The following LRP5 variants were observed in gnomAD, a reference collection of about 807,000 sequenced individuals.
LRP5 encodes the protein low-density lipoprotein receptor-related protein 5.
A neutral mutation model predicts 154.1 loss-of-function variants in LRP5; 62 were observed. The ratio of observed to expected loss-of-function variants is 0.40; its 90% CI spans 0.33 to 0.50. The LOEUF (loss-of-function observed/expected upper bound fraction) is 0.50, where lower values mean the gene tolerates loss of function less well. Among genes scored for constraint, LRP5 ranks in the 20% least tolerant of loss-of-function variants. The pLI, the probability that LRP5 is intolerant of heterozygous loss-of-function variation, is 0.55. For synonymous variants in LRP5, 966 were observed against 1,011.5 expected (o/e 0.96, Z 0.85); for missense variants, 1,915 against 2,336.7 (o/e 0.82, Z 3.72).
At chr11:68,425,394 C>T (rs1197745730) in intron 15 of LRP5, 102 bp downstream of exon 15, 22 of 1,223,084 alleles carry the variant, frequency 1.8e-5, no homozygotes, top group South Asian at 1.1e-4. Flanking sequence ...AGCCCAGTGC[C>T]GCGCCAGGGG....
At position 68,386,190 on chromosome 11, in the gene LRP5, A is replaced by G; in HGVS notation, c.1016-126A>G. 6 of 1,182,530 alleles carry G rather than the reference A, an allele frequency of 5.1e-6. No individual in the cohort carries two copies. The highest frequency in any genetic ancestry group is 7.4e-6 in the Non-Finnish European group (6 of 812,230). 73.3% of individuals were successfully genotyped at this position (1,182,530 alleles called of 1,614,324 possible). ...GGCTGGGTGCGTGTCACCTAACATCACCAGCCTTTGCAAGGAGAGCCCTGG... is the reference window on the plus strand; with the variant it reads ...GGCTGGGTGCGTGTCACCTAACATCGCCAGCCTTTGCAAGGAGAGCCCTGG... On this transcript the variant is annotated intron_variant, in intron 5 of 22. Transcript: ENST00000294304. The surrounding 1 kb of genome is among the most constrained non-coding windows in gnomAD (Gnocchi z 7.9).
rs560530464 is a variant in LRP5 at position 68,396,904 on chromosome 11, G to A, written c.1585-6579G>A. Among the ~76,000 whole-genome samples the A allele has an allele frequency of 3.8e-3, 586 of 152,282 alleles. 1 individual carries two copies. The highest frequency in any genetic ancestry group is 0.02 in the Middle Eastern group (6 of 294). ...TCCTGCCCCACCACGTGTGAAGCCC[G>A]AGTGGTCGTGGGCTGAGGTCCCCTG... On this transcript the variant is annotated intron_variant, in intron 7 of 22. Transcript: ENST00000294304.
At chr11:68,302,500 G>T in the LRP5 span, among the ~76,000 whole-genome samples, 22 of 152,168 alleles carry the variant, frequency 1.4e-4, 1 homozygote. Context: ...ACTTGCTCCT[G>T]TTTGCTCCAG....
In LRP5 at chr11:68,446,461, C is replaced by A; in HGVS notation, c.4514C>A (p.Ala1505Asp). The change falls in exon 22 of 23, where the codon GCC becomes GAC. Residue 1505 changes from alanine to aspartate, a missense_variant. By Grantham distance (126) the Ala-to-Asp change is moderately radical. Around this residue, in one of 3 missense-constraint regions of LRP5, gnomAD observed 1,094 missense variants for 1,210.1 expected, o/e 0.90. Coordinates refer to ENST00000294304, the MANE Select transcript of LRP5 (RefSeq NM_002335.4). The part of the protein sequence containing the change: ...PPILNPPPSP[A>D]TDPSLYNMDM... ...ATCCTGAACCCGCCGCCCTCCCCGGCCACGGACCCCTCCCTGTACAACATG... is the reference window on the plus strand; with the variant it reads ...ATCCTGAACCCGCCGCCCTCCCCGGACACGGACCCCTCCCTGTACAACATG... 6.2e-7 allele frequency: 1 copy of A among 1,614,040 alleles called. No individual in the cohort carries two copies. Among genetic ancestry groups the A allele is most frequent in the Non-Finnish European group, 8.5e-7 (1 of 1,179,920 alleles).
intron 7 of LRP5, among the ~76,000 whole-genome samples, chr11:68,399,542 A>G (rs1271200477): frequency 6.6e-6 from 1 of 152,086 alleles, no homozygotes; most frequent in Non-Finnish European, 1.5e-5. Flanking sequence ...TTCATCTCCC[A>G]AGTTCTCTTC....
intron 21 of LRP5, among the ~76,000 whole-genome samples, chr11:68,444,594 G>A (rs2098680453): frequency 7.7e-6 from 1 of 129,896 alleles, no homozygotes; most frequent in Admixed American, 9.4e-5. Context: ...ACCCTGGGCC[G>A]AGATCCAGTC....
At position 68,423,777 on chromosome 11, in the gene LRP5, C is replaced by T. The variant is rs2098667181; in HGVS notation, c.3236+80C>T. The T allele has an allele frequency of 2.2e-6, 3 of 1,394,488 alleles. No individual in the cohort carries two copies. The East Asian group carries it at 7.0e-5, about 32-fold the overall frequency. The allele number at this position is 1,394,488 out of a possible 1,614,324, so 86.4% of individuals were successfully genotyped here. A position where few individuals can be genotyped will look rare whatever the true frequency, so the allele number is the denominator to read the frequency against. Reference sequence around the variant, plus strand: ...TCTTCTGCCGAATGCCAGCCTCTCACAGGCTGGGGAGACTTTCCACCCTGG... The same window carrying T: ...TCTTCTGCCGAATGCCAGCCTCTCATAGGCTGGGGAGACTTTCCACCCTGG... On this transcript the variant is annotated intron_variant, in intron 14 of 22. Transcript: ENST00000294304. The surrounding 1 kb of genome is among the most constrained non-coding windows in gnomAD (Gnocchi z 4.7).
At chr11:68,405,169 A>G (rs1435820120) in intron 8 of LRP5, among the ~76,000 whole-genome samples, 1 of 151,892 alleles carries the variant, frequency 6.6e-6, no homozygotes, top group African/African-American at 2.4e-5. Context: ...AAAGAAAAAA[A>G]AAAAAAGAAC....
rs1309533393 is a variant in LRP5 at position 68,448,814 on chromosome 11, A to C, written c.4592A>C (p.Tyr1531Ser). The C allele has an allele frequency of 1.2e-6, 2 of 1,605,414 alleles. No homozygotes were observed. The highest frequency in any genetic ancestry group is 2.7e-5 in the African/African-American group (2 of 74,998). ...IPATARPYRP[Y>S]IIRGMAPPTT... ...TCTGTGTGTGTCCCTTTCAGGCCCT[A>C]CATCATTCGAGGAATGGCGCCCCCG... is the stretch of plus-strand genomic sequence containing the variant. Residue 1531 changes from tyrosine to serine, a missense_variant, in exon 23 of 23, where the codon TAC becomes TCC. Physicochemically the swap from Tyr to Ser is moderately radical, Grantham distance 144. Transcript: ENST00000294304.
intron 1 of LRP5, among the ~76,000 whole-genome samples, chr11:68,313,719 G>C (rs1352630284): frequency 6.6e-6 from 1 of 152,248 alleles, no homozygotes; most frequent in Admixed American, 6.5e-5. Context: ...TCTGGAGTAT[G>C]GCTGGCCAAG....
chr11:68,404,409 AG>A, intron 8 of LRP5: 1 of 509,312 alleles, frequency 2.0e-6, no homozygotes, highest in Non-Finnish European at 3.9e-6. Flanking sequence ...CATTGCCTGC[AG>A]TCCTGGGTGA....
chr11:68,299,644 G>A, the LRP5 span, among the ~76,000 whole-genome samples: 8 of 148,214 alleles, frequency 5.4e-5, no homozygotes, highest in African/African-American at 1.5e-4. Flanking sequence ...GTACAGTGGC[G>A]CAATCTCAGC....
At chr11:68,390,262 C>T (rs1299080768) in intron 7 of LRP5, among the ~76,000 whole-genome samples, 1 of 152,242 alleles carries the variant, frequency 6.6e-6, no homozygotes, top group Non-Finnish European at 1.5e-5. Context: ...AAGATGTTAT[C>T]ATTCGGCCAG....
intron 7 of LRP5, among the ~76,000 whole-genome samples, chr11:68,394,454 G>A (rs140652408): frequency 4.2e-4 from 63 of 151,554 alleles, no homozygotes; most frequent in South Asian, 3.7e-3. Context: ...TGAGCACTGC[G>A]TGTTGATTAC....
chr11:68,355,012 A>G (rs778341075), intron 2 of LRP5, among the ~76,000 whole-genome samples: 9 of 152,248 alleles, frequency 5.9e-5, no homozygotes, highest in Non-Finnish European at 1.0e-4. Context: ...CGAGGCTCCT[A>G]TGCCCTCATT....
chr11:68,449,137 A>G lies in LRP5; in HGVS notation c.*67A>G, dbSNP rs2098683076. The G allele has an allele frequency of 7.6e-7, 1 of 1,309,842 alleles. No homozygotes were observed. 81.1% of individuals were successfully genotyped at this position (1,309,842 alleles called of 1,614,324 possible). ...AGTTTTAAATATGAACAAAGAAAAA[A>G]ATATATTTTATGATTTAAAAAATAA... On this transcript the variant is annotated 3_prime_UTR_variant, in exon 23 of 23. Coordinates refer to ENST00000294304, the MANE Select transcript of LRP5 (RefSeq NM_002335.4).
intron 1 of LRP5, among the ~76,000 whole-genome samples, chr11:68,327,415 C>T (rs1387617330): frequency 2.6e-5 from 4 of 152,240 alleles, no homozygotes; most frequent in Admixed American, 6.5e-5. Flanking sequence ...AGCGCCTCTG[C>T]GGATCTGACC....
At chr11:68,426,562 G>A (rs753965131) in intron 16 of LRP5, among the ~76,000 whole-genome samples, 1 of 151,890 alleles carries the variant, frequency 6.6e-6, no homozygotes. Flanking sequence ...CAGGTAGCTG[G>A]GACTACAGGT....
chr11:68,403,718 A>G lies in LRP5; in HGVS notation c.1801+19A>G, dbSNP rs759629787. 4 of 1,612,300 alleles carry G rather than the reference A, an allele frequency of 2.5e-6. No individual in the cohort carries two copies. The African/African-American group carries it at 4.0e-5, about 16-fold the overall frequency. ...GTCGTCGGTGAGTCCGGGGGGTCCC[A>G]AGCCATGGCTCAGCCATGCAGACTT... On this transcript the variant is annotated intron_variant, in intron 8 of 22. Transcript: ENST00000294304.
Sources: gnomAD v4.1 joint callset for allele counts (sites outside exome capture counted in the v4.1 genomes callset) on GRCh38, gnomAD v4.1.1 for gene constraint, gnomAD v4.1.1 regional missense constraint, Gnocchi (gnomAD v3.1) non-coding constraint, MANE v1.5 for transcripts, NCBI Gene and HGNC (gene_info 2026-07-23, HGNC 2026-07-21) for gene names.